Variants in NBPF12 observed in about 807,000 individuals in gnomAD.
The protein encoded by NBPF12 is NBPF member 12, also known as NBPF family member NBPF12.
NBPF12 carries 115 observed loss-of-function variants against 146.4 expected under a neutral mutation model. The observed-to-expected ratio is 0.79, with a 90% CI of 0.68 to 0.92. NBPF12 has a LOEUF of 0.92. NBPF12 is among the 40% of genes least tolerant of loss of function. The pLI, the probability that NBPF12 is intolerant of heterozygous loss-of-function variation, is 0.00. For synonymous variants in NBPF12, 385 were observed against 508.9 expected, an observed-to-expected ratio of 0.76 and a Z score of 3.28; for missense variants, 1,205 against 1,326.8, an observed-to-expected ratio of 0.91 and a Z score of 1.43.
intron 1 of NBPF12, among the ~76,000 whole-genome samples, chr1:146,950,383 G>A (rs1284964176): frequency 1.3e-5 from 2 of 152,088 alleles, no homozygotes; most frequent in Non-Finnish European, 2.9e-5. Flanking sequence ...AATGTGAAAT[G>A]ATGGGACAGA....
At chr1:146,969,974 G>C in intron 11 of NBPF12, among the ~76,000 whole-genome samples, 1 of 150,408 alleles carries the variant, frequency 6.6e-6, no homozygotes, top group Non-Finnish European at 1.5e-5. Context: ...GTGAGTGAGT[G>C]ATTTATCTTT....
At chr1:146,992,599 T>C (rs1658272069) in intron 31 of NBPF12, 113 bp from the exon 35 acceptor site, 2 of 710,566 alleles carry the variant, frequency 2.8e-6, no homozygotes, top group African/African-American at 1.8e-5. Context: ...CATTAATGGA[T>C]CTATCCTTTT....
intron 31 of NBPF12, 50 bp from the exon 35 acceptor site, chr1:146,992,662 T>C: frequency 5.2e-6 from 4 of 764,334 alleles, no homozygotes; most frequent in South Asian, 4.1e-5. Context: ...TGGGGCTCTG[T>C]TGTGTCTGAT....
chr1:146,951,505 CAG>C lies in NBPF12; in HGVS notation c.-184+21_-184+22del. On this transcript the variant is annotated intron_variant, in intron 2 of 33. Coordinates refer to ENST00000617844, the Ensembl canonical transcript of NBPF12. ...ATGGATCAAGGTGCGTACTCAAACA[CAG>C]AGAGCTTTCTGAAAGATGCTACCAG... The C allele has an allele frequency of 3.3e-6, 2 of 601,144 alleles. No individual in the cohort carries two copies. Among genetic ancestry groups the C allele is most frequent in the East Asian group, 2.8e-5 (1 of 36,220 alleles). 37.2% of individuals were successfully genotyped at this position (601,144 alleles called of 1,614,324 possible).
In NBPF12 at chr1:146,987,733, TTGTG is replaced by T. The variant is rs782154969; in HGVS notation, c.3117-197_3117-194del. Among the ~76,000 whole-genome samples, 914 of 145,006 alleles carry T rather than the reference TTGTG, an allele frequency of 6.3e-3. 2 individuals are homozygous for T. Among genetic ancestry groups the T allele is most frequent in the Middle Eastern group, 7.5e-3 (2 of 268 alleles). ...TGTGCGTGTGTCTTTGTGTGTGTGT[TTGTG>T]TGTGTGTGTGTGTGTGTGTGTGTCT... On this transcript the variant is annotated intron_variant, in intron 25 of 33. Transcript: ENST00000617844.
upstream of NBPF12, among the ~76,000 whole-genome samples, chr1:146,948,931 C>T (rs1484744736): frequency 6.6e-6 from 1 of 151,366 alleles, no homozygotes; most frequent in African/African-American, 2.4e-5. Flanking sequence ...CAATACTGCT[C>T]TTTAAGGCAT....
intron 2 of NBPF12, among the ~76,000 whole-genome samples, chr1:146,952,483 T>A (rs1159978508): frequency 2.6e-5 from 4 of 151,918 alleles, no homozygotes; most frequent in African/African-American, 9.7e-5. Context: ...AACTGGCCCT[T>A]TATAATACAA....
At position 146,970,628 on chromosome 1, in the gene NBPF12, G is replaced by T. The variant is rs1553886251; in HGVS notation, c.1307-19G>T. ...AATGTGAAGTGGAAAATATCTGAAC[G>T]AACATTTTGTATTTATAGAAAATGA... On this transcript the variant is annotated intron_variant, in intron 11 of 33. Transcript: ENST00000617844. 1.1e-5 allele frequency: 17 copies of T among 1,563,064 alleles called. No individual in the cohort carries two copies. Among genetic ancestry groups the T allele is most frequent in the Non-Finnish European group, 1.5e-5 (17 of 1,137,330 alleles).
intron 2 of NBPF12, 42 bp downstream of exon 5, chr1:146,951,531 A>G (rs1655322229): frequency 8.6e-6 from 5 of 579,846 alleles, no homozygotes; most frequent in Non-Finnish European, 1.5e-5. Flanking sequence ...AGATGCTACC[A>G]GTAGTTTTTC....
exon 13 of NBPF12, chr1:146,971,326 A>C (rs1430052162): frequency 3.1e-6 from 5 of 1,611,828 alleles, no homozygotes; most frequent in Non-Finnish European, 4.2e-6. Context: ...GACAAAGTCA[A>C]CTCATCTCTG....
At chr1:146,994,300 G>A (rs782427839) in intron 33 of NBPF12, 32 bp from the exon 37 acceptor site, 2 of 1,611,152 alleles carry the variant, frequency 1.2e-6, no homozygotes, top group Admixed American at 1.7e-5. Flanking sequence ...GACTTTCCCT[G>A]GCTGCTTCTT....
chr1:146,962,117 T>A, intron 4 of NBPF12, 44 bp from the exon 8 acceptor site: 1 of 1,593,822 alleles, frequency 6.3e-7, no homozygotes, highest in Non-Finnish European at 8.6e-7. Flanking sequence ...CACAGCAGCA[T>A]GTCCAGCCTT....
At chr1:146,987,675 TTCTCTC>T (rs202172679) in intron 25 of NBPF12, among the ~76,000 whole-genome samples, 1 of 150,620 alleles carries the variant, frequency 6.6e-6, no homozygotes, top group Non-Finnish European at 1.5e-5. Flanking sequence ...TGAGCTCGTT[TTCTCTC>T]TCTCTCTCTC....
At chr1:146,966,591 G>C (rs1304365704) in exon 9 of NBPF12, 4 of 1,481,842 alleles carry the variant, frequency 2.7e-6, no homozygotes, top group African/African-American at 2.8e-5. Flanking sequence ...TGGCAGAGAA[G>C]AAACAGCAGT....
At chr1:146,989,356 CTG>C (rs1657999106) in intron 27 of NBPF12, among the ~76,000 whole-genome samples, 8 of 148,330 alleles carry the variant, frequency 5.4e-5, no homozygotes, top group Non-Finnish European at 3.0e-5. Context: ...GTCTCTGTCT[CTG>C]TCTCTGTCTC....
At position 146,977,047 on chromosome 1, in the gene NBPF12, A is replaced by G. The variant is rs1159293156; in HGVS notation, c.2192+46A>G. The G allele has an allele frequency of 1.6e-5, 11 of 669,940 alleles. No individual in the cohort carries two copies. In the Admixed American group the frequency reaches 1.7e-4, roughly 11 times the overall value. The allele number at this position is 669,940 out of a possible 1,614,324, so 41.5% of individuals were successfully genotyped here. A position where few individuals can be genotyped will look rare whatever the true frequency, so the allele number is the denominator to read the frequency against. On this transcript the variant is annotated intron_variant, in intron 17 of 33. Coordinates refer to ENST00000617844, the Ensembl canonical transcript of NBPF12. ...ACAATTAATGGATGGTAACATATGAAGAATATCTAGGAGGCACACCCTCTC... is the reference window on the plus strand; with the variant it reads ...ACAATTAATGGATGGTAACATATGAGGAATATCTAGGAGGCACACCCTCTC...
exon 14 of NBPF12, chr1:146,972,872 A>G: frequency 5.0e-6 from 6 of 1,200,606 alleles, no homozygotes; most frequent in South Asian, 2.4e-5. Context: ...CCCAGCTGGC[A>G]GAGAAGAAAC....
At chr1:146,941,985 G>C (rs1227360566) in intron 1 of NBPF12, among the ~76,000 whole-genome samples, 16 of 148,286 alleles carry the variant, frequency 1.1e-4, no homozygotes, top group Admixed American at 2.0e-4. Context: ...AGCCTCCTGA[G>C]TAGCTGCGAC....
At chr1:146,976,632 A>G (rs1384278028) in intron 16 of NBPF12, among the ~76,000 whole-genome samples, 1 of 151,034 alleles carries the variant, frequency 6.6e-6, no homozygotes, top group African/African-American at 2.5e-5. Context: ...ATCTGGCAGG[A>G]TGGGGGAGAC....
Sources: gnomAD v4.1 joint callset for allele counts (sites outside exome capture counted in the v4.1 genomes callset) on GRCh38, gnomAD v4.1.1 for gene constraint, MANE v1.5 for transcripts, NCBI Gene and HGNC (gene_info 2026-07-23, HGNC 2026-07-21) for gene names.